UNC5D: variants seen among roughly 807,000 people sequenced by gnomAD.
UNC5D encodes the protein netrin receptor UNC5D.
UNC5D carries 39 observed loss-of-function variants against 105.4 expected under a neutral mutation model. The observed-to-expected ratio is 0.37, with a 90% CI of 0.29 to 0.48. The LOEUF is 0.48. Ranked by LOEUF, UNC5D falls within the 20% of genes least tolerant of loss-of-function variation. The pLI is 0.98. For missense variants in UNC5D, 991 were observed against 1,202.4 expected, an observed-to-expected ratio of 0.82 and a Z score of 2.60; for synonymous variants, 452 against 450.4, an observed-to-expected ratio of 1.00 and a Z score of -0.04.
chr8:35,703,649 T>C (rs983940402), intron 7 of UNC5D, among the ~76,000 whole-genome samples: 2 of 152,240 alleles, frequency 1.3e-5, no homozygotes, highest in African/African-American at 4.8e-5. Flanking sequence ...GTATTAGATT[T>C]ATTTTTCTGT....
At chr8:35,383,026 A>G (rs1313977493) in intron 1 of UNC5D, among the ~76,000 whole-genome samples, 1 of 152,224 alleles carries the variant, frequency 6.6e-6, no homozygotes, top group Non-Finnish European at 1.5e-5. Flanking sequence ...TGCAAAGTAC[A>G]AGAAAAGGAA....
chr8:35,648,037 A>G (rs558111514), intron 4 of UNC5D, among the ~76,000 whole-genome samples: 1 of 152,296 alleles, frequency 6.6e-6, no homozygotes, highest in East Asian at 1.9e-4. Context: ...TACGCTGCAC[A>G]TCACTTAAAA....
intron 1 of UNC5D, among the ~76,000 whole-genome samples, chr8:35,544,152 C>T (rs1183523031): frequency 2.0e-5 from 3 of 152,106 alleles, no homozygotes; most frequent in South Asian, 2.1e-4. Flanking sequence ...TGACCGAATC[C>T]GTGTAGAAGG....
chr8:35,592,006 A>G (rs1228999475), intron 3 of UNC5D, among the ~76,000 whole-genome samples: 2 of 151,470 alleles, frequency 1.3e-5, no homozygotes, highest in African/African-American at 4.9e-5. Flanking sequence ...TAATCTTCCA[A>G]TTTCATTATA....
intron 4 of UNC5D, among the ~76,000 whole-genome samples, chr8:35,662,552 G>A (rs80072660): frequency 0.012 from 1,880 of 152,244 alleles, 52 homozygotes; most frequent in African/African-American, 0.043. Context: ...ACAGTTCCAG[G>A]ATCATGATGG....
chr8:35,302,023 G>A lies in UNC5D; in HGVS notation c.103+66136G>A, dbSNP rs372211788. ...ATGAATTGTGAAATTTGGCAATGGC[G>A]AGGCCATGAGTTAGAGCAATGTAAA... On this transcript the variant is annotated intron_variant, in intron 1 of 16. Transcript: ENST00000404895. 9.9e-5 allele frequency among the ~76,000 whole-genome samples: 15 copies of A among 152,254 alleles called. No individual in the cohort carries two copies. The South Asian group carries it at 2.9e-3, about 29-fold the overall frequency.
chr8:35,597,423 A>G (rs1405611546), intron 4 of UNC5D, among the ~76,000 whole-genome samples: 1 of 152,190 alleles, frequency 6.6e-6, no homozygotes, highest in Non-Finnish European at 1.5e-5. Context: ...CCTCTCATTT[A>G]GGACATCGCA....
intron 4 of UNC5D, 44 bp downstream of exon 4, chr8:35,595,701 T>A (rs778964369): frequency 2.5e-6 from 4 of 1,576,710 alleles, no homozygotes; most frequent in Non-Finnish European, 3.5e-6. Flanking sequence ...GAACCAGGCC[T>A]GTTCCCAAGA....
At chr8:35,775,932 T>C (rs1802227088) in intron 16 of UNC5D, among the ~76,000 whole-genome samples, 1 of 152,062 alleles carries the variant, frequency 6.6e-6, no homozygotes, top group South Asian at 2.1e-4. Flanking sequence ...ATATTGAAAA[T>C]GAAAGAAACA....
chr8:35,591,254 C>CAAA (rs139945594), intron 3 of UNC5D, among the ~76,000 whole-genome samples: 2 of 146,952 alleles, frequency 1.4e-5, no homozygotes, highest in African/African-American at 5.0e-5. Context: ...ATGCTTTTTA[C>CAAA]AAAAAAAAAG....
intron 1 of UNC5D, among the ~76,000 whole-genome samples, chr8:35,451,969 A>T (rs542277046): frequency 1.3e-5 from 2 of 152,248 alleles, no homozygotes; most frequent in Non-Finnish European, 2.9e-5. Context: ...CTTCATTCCC[A>T]TGCCTAGGCA....
chr8:35,703,463 G>T (rs757900479), intron 7 of UNC5D, among the ~76,000 whole-genome samples: 12 of 152,174 alleles, frequency 7.9e-5, no homozygotes, highest in Non-Finnish European at 1.5e-4. Flanking sequence ...CAATAAAAGT[G>T]GCTCCAAAGC....
intron 1 of UNC5D, among the ~76,000 whole-genome samples, chr8:35,501,341 C>T (rs1811960356): frequency 6.6e-6 from 1 of 152,210 alleles, no homozygotes; most frequent in Non-Finnish European, 1.5e-5. Flanking sequence ...CTAGTTGTAG[C>T]TTTTGTACTG....
intron 10 of UNC5D, among the ~76,000 whole-genome samples, chr8:35,729,391 C>T (rs1482282990): frequency 6.6e-6 from 1 of 152,114 alleles, no homozygotes; most frequent in Non-Finnish European, 1.5e-5. Flanking sequence ...TGTTTATTGG[C>T]TTCCTGCTAC....
intron 11 of UNC5D, among the ~76,000 whole-genome samples, chr8:35,731,621 A>G (rs1829203264): frequency 1.3e-5 from 2 of 152,136 alleles, no homozygotes; most frequent in South Asian, 4.1e-4. Context: ...TCTCTACACA[A>G]GAGACACCAA....
intron 1 of UNC5D, among the ~76,000 whole-genome samples, chr8:35,289,937 C>A (rs1003930089): frequency 6.6e-6 from 1 of 151,746 alleles, no homozygotes; most frequent in African/African-American, 2.4e-5. Flanking sequence ...GAGGCTCTGG[C>A]TCTGAAACAA....
intron 1 of UNC5D, among the ~76,000 whole-genome samples, chr8:35,477,796 A>G (rs1256548400): frequency 2.6e-5 from 4 of 152,172 alleles, no homozygotes; most frequent in Admixed American, 1.3e-4. Flanking sequence ...CTTATAAAAA[A>G]AATATGTAGA....
intron 1 of UNC5D, among the ~76,000 whole-genome samples, chr8:35,401,405 A>G (rs1804452636): frequency 6.6e-6 from 1 of 152,118 alleles, no homozygotes; most frequent in Non-Finnish European, 1.5e-5. Context: ...AATCATTTGA[A>G]CCTGGGTGGC....
At chr8:35,318,789 C>G (rs1310320171) in intron 1 of UNC5D, among the ~76,000 whole-genome samples, 2 of 151,984 alleles carry the variant, frequency 1.3e-5, no homozygotes, top group African/African-American at 4.8e-5. Context: ...ATGGCATATG[C>G]TCAGTAAGAA....
Sources: gnomAD v4.1 joint callset for allele counts (sites outside exome capture counted in the v4.1 genomes callset) on GRCh38, gnomAD v4.1.1 for gene constraint, MANE v1.5 for transcripts, NCBI Gene and HGNC (gene_info 2026-07-23, HGNC 2026-07-21) for gene names.